The following RNF38 variants were observed in gnomAD, a reference collection of about 807,000 sequenced individuals.
The protein encoded by RNF38 is E3 ubiquitin-protein ligase RNF38.
RNF38 carries 15 observed loss-of-function variants against 67.2 expected under a neutral mutation model. The observed-to-expected ratio is 0.22, with a 90% confidence interval of 0.15 to 0.34. The LOEUF (loss-of-function observed/expected upper bound fraction) is 0.34. Among genes scored for constraint, RNF38 ranks in the 10% least tolerant of loss-of-function variants. The pLI is 1.00. For missense variants in RNF38, 524 were observed against 639.9 expected (o/e 0.82, Z 1.95); for synonymous variants, 220 against 218.8 (o/e 1.01, Z -0.05).
upstream of RNF38, chr9:36,400,601 C>T (rs1316174929): frequency 1.0e-6 from 1 of 986,212 alleles, no homozygotes. Context: ...CGGATCCTCG[C>T]TGGGCCGCCG....
chr9:36,419,693 G>A (rs1041775554), intron 2 of RNF38, among the ~76,000 whole-genome samples: 1 of 152,172 alleles, frequency 6.6e-6, no homozygotes, highest in African/African-American at 2.4e-5. Context: ...AGGTGGCACG[G>A]CATCTGTATT....
intron 11 of RNF38, among the ~76,000 whole-genome samples, chr9:36,340,447 G>T (rs1832755582): frequency 6.6e-6 from 1 of 152,192 alleles, no homozygotes; most frequent in Non-Finnish European, 1.5e-5. Flanking sequence ...ACAGTGGCAT[G>T]ACTACAGCTC....
At chr9:36,445,807 C>CA (rs1349546284) in intron 1 of RNF38, among the ~76,000 whole-genome samples, 1 of 152,210 alleles carries the variant, frequency 6.6e-6, no homozygotes, top group Non-Finnish European at 1.5e-5. Flanking sequence ...TAAGGTGTCA[C>CA]AAAACACCAC....
chr9:36,461,376 G>A (rs1587181266), intron 1 of RNF38, among the ~76,000 whole-genome samples: 1 of 152,302 alleles, frequency 6.6e-6, no homozygotes. Context: ...GTCAAGGAAG[G>A]CCTCAGAAGA....
At chr9:36,350,376 C>T (rs1457091753) in intron 9 of RNF38, among the ~76,000 whole-genome samples, 1 of 152,188 alleles carries the variant, frequency 6.6e-6, no homozygotes, top group Non-Finnish European at 1.5e-5. Context: ...CCATAAAGCA[C>T]CAAAAACATT....
At chr9:36,401,023 G>A (rs1837996372), upstream of RNF38, 8 of 984,472 alleles carry the variant, frequency 8.1e-6, no homozygotes, top group Non-Finnish European at 9.6e-6. Context: ...TCGCCGCTAG[G>A]CCGCGACACG....
In RNF38 at chr9:36,392,855, AGCAGC is replaced by A. The variant is rs1454585089; in HGVS notation, c.13-2244_13-2240del. On this transcript the variant is annotated intron_variant, in intron 1 of 11. Transcript: ENST00000259605. Reference sequence around the variant, plus strand: ...TAACAATTTTTGAAACCCAGATGCAAGCAGCCAACTGTAACATAATATTTAAAGGC... The same window carrying A: ...TAACAATTTTTGAAACCCAGATGCAACAACTGTAACATAATATTTAAAGGC... Among the ~76,000 whole-genome samples the A allele has an allele frequency of 2.0e-5, 3 of 152,338 alleles. No homozygotes were observed. The East Asian group carries it at 5.8e-4, about 29-fold the overall frequency.
At chr9:36,408,215 C>T (rs1406888637) in intron 2 of RNF38, among the ~76,000 whole-genome samples, 1 of 151,984 alleles carries the variant, frequency 6.6e-6, no homozygotes, top group Non-Finnish European at 1.5e-5. Flanking sequence ...ATCCTCCCGC[C>T]TCAGTGCTGA....
At chr9:36,361,786 A>C (rs931560433) in intron 4 of RNF38, among the ~76,000 whole-genome samples, 5 of 152,142 alleles carry the variant, frequency 3.3e-5, no homozygotes, top group Admixed American at 3.3e-4. Flanking sequence ...AAGCTACTTG[A>C]TGCTAGATTC....
At chr9:36,478,006 AAAAC>A (rs141327606) in intron 1 of RNF38, among the ~76,000 whole-genome samples, 3,842 of 141,828 alleles carry the variant, frequency 0.027, 148 homozygotes, top group African/African-American at 0.087. Flanking sequence ...CAAAAAACAA[AAAAC>A]AAACAAACAG....
chr9:36,365,804 T>C (rs1247573879), intron 4 of RNF38, among the ~76,000 whole-genome samples: 1 of 150,714 alleles, frequency 6.6e-6, no homozygotes, highest in Non-Finnish European at 1.5e-5. Flanking sequence ...CAGCTGGGAC[T>C]ACAGGTGCGC....
chr9:36,438,073 CTGGG>C (rs1427443955), intron 1 of RNF38, among the ~76,000 whole-genome samples: 6 of 152,144 alleles, frequency 3.9e-5, no homozygotes, highest in African/African-American at 1.4e-4. Context: ...TCTCGAGTAG[CTGGG>C]ACTACAAGTG....
intron 2 of RNF38, among the ~76,000 whole-genome samples, chr9:36,387,023 G>C (rs968918188): frequency 4.6e-5 from 7 of 152,060 alleles, no homozygotes; most frequent in South Asian, 2.1e-4. Flanking sequence ...GGCTGATCTC[G>C]AACTCCTGAC....
Position 36,472,438 on chromosome 9 carries a change from C to A in RNF38, n.241+14870G>T, listed in dbSNP as rs1308553765. 2.0e-5 allele frequency among the ~76,000 whole-genome samples: 3 copies of A among 152,174 alleles called. No individual in the cohort carries two copies. The South Asian group carries it at 6.2e-4, about 31-fold the overall frequency. ...CCCAACACAAATTCATAAATTTCTT[C>A]AAGTGTATTTCATGTGTGGTCCAAG... On this transcript the variant is annotated intron_variant and non_coding_transcript_variant, in intron 1 of 3. Transcript: ENST00000488058.
intron 4 of RNF38, among the ~76,000 whole-genome samples, chr9:36,362,366 G>C (rs1156957516): frequency 1.3e-5 from 2 of 151,852 alleles, no homozygotes; most frequent in Middle Eastern, 3.4e-3. Flanking sequence ...CTCGGGGGAG[G>C]GGGGAGAAGG....
At chr9:36,435,918 C>T (rs1489898936) in intron 1 of RNF38, among the ~76,000 whole-genome samples, 1 of 152,122 alleles carries the variant, frequency 6.6e-6, no homozygotes, top group African/African-American at 2.4e-5. Context: ...CGTGAGCCAC[C>T]GCGCCCGGAC....
chr9:36,352,932 C>A, intron 7 of RNF38, 84 bp from the exon 8 acceptor site: 3 of 1,018,048 alleles, frequency 2.9e-6, no homozygotes, highest in Non-Finnish European at 4.4e-6. Context: ...TAAAAAAAGA[C>A]TTAAACAGTA....
At chr9:36,454,350 A>G (rs1839532919) in intron 1 of RNF38, among the ~76,000 whole-genome samples, 1 of 151,966 alleles carries the variant, frequency 6.6e-6, no homozygotes, top group Non-Finnish European at 1.5e-5. Flanking sequence ...GCTGGTCTAG[A>G]ACTACTGACC....
chr9:36,385,623 C>T (rs948364316), intron 2 of RNF38, among the ~76,000 whole-genome samples: 1 of 152,156 alleles, frequency 6.6e-6, no homozygotes, highest in African/African-American at 2.4e-5. Flanking sequence ...AGGTGATCCA[C>T]CCGCCTCAGC....
Sources: allele counts gnomAD v4.1 joint callset (sites outside exome capture counted in the v4.1 genomes callset), GRCh38; gene constraint gnomAD v4.1.1; transcripts MANE v1.5; gene names NCBI Gene and HGNC (gene_info 2026-07-23, HGNC 2026-07-21).